GNL3L: variants seen among roughly 807,000 people sequenced by gnomAD.
GNL3L encodes the protein G protein nucleolar 3 like.
In GNL3L, 4 loss-of-function variants were observed where a neutral mutation model predicts 42.9. The ratio of observed to expected loss-of-function variants is 0.09; its 90% CI spans 0.05 to 0.21. The LOEUF (loss-of-function observed/expected upper bound fraction) is 0.21. Ranked by LOEUF, GNL3L falls within the 10% of genes least tolerant of loss-of-function variation. GNL3L has a pLI of 1.00. For missense variants in GNL3L, 412 were observed against 481.7 expected, an observed-to-expected ratio of 0.86 and a Z score of 1.36; for synonymous variants, 159 against 176.3, an observed-to-expected ratio of 0.90 and a Z score of 0.78.
chrX:54,629,233 T>C, the GNL3L span, among the ~76,000 whole-genome samples: 11 of 110,810 alleles, frequency 9.9e-5, no homozygotes, highest in Non-Finnish European at 2.1e-4. Flanking sequence ...ACTTCCTTTT[T>C]ATCAATTTGG....
the GNL3L span, among the ~76,000 whole-genome samples, chrX:54,627,157 C>T: frequency 5.4e-5 from 6 of 110,378 alleles, no homozygotes; most frequent in African/African-American, 2.0e-4. Context: ...TACAGATGTG[C>T]GCCACGATGC....
the GNL3L span, among the ~76,000 whole-genome samples, chrX:54,633,517 A>G: frequency 9.0e-6 from 1 of 111,593 alleles, no homozygotes; most frequent in Admixed American, 9.5e-5. Flanking sequence ...GAGAAAGACC[A>G]TCAGGTGGGG....
chrX:54,621,901 T>C (rs752971365), downstream of GNL3L, among the ~76,000 whole-genome samples: 1 of 112,115 alleles, frequency 8.9e-6, no homozygotes, highest in South Asian at 3.7e-4. Context: ...TTCCTTGGTG[T>C]AAAATGATAG....
At chrX:54,645,435 G>A in the GNL3L span, among the ~76,000 whole-genome samples, 4 of 111,131 alleles carry the variant, frequency 3.6e-5, no homozygotes, top group African/African-American at 9.8e-5. Context: ...TCATCTTTTG[G>A]GCATCCATTG....
chrX:54,600,428 G>T (rs1482727280), intron 16 of GNL3L, among the ~76,000 whole-genome samples: 6 of 107,580 alleles, frequency 5.6e-5, no homozygotes, highest in Non-Finnish European at 7.7e-5. Context: ...GTTTCTCCAT[G>T]TTGATCAGGC....
At chrX:54,579,955 G>A (rs187592467) in intron 16 of GNL3L, among the ~76,000 whole-genome samples, 3 of 105,678 alleles carry the variant, frequency 2.8e-5, no homozygotes, top group African/African-American at 1.1e-4. Flanking sequence ...TGGGATTACA[G>A]GCATGAGCCA....
At chrX:54,607,062 T>TTC (rs758610157) in intron 16 of GNL3L, among the ~76,000 whole-genome samples, 472 of 40,460 alleles carry the variant, frequency 0.012, 26 homozygotes, top group African/African-American at 0.035. Flanking sequence ...CTTTCTTTCT[T>TTC]TCTTTCTTTC....
At chrX:54,540,386 A>G (rs1191755503) in intron 4 of GNL3L, 144 bp downstream of exon 4, 3 of 471,989 alleles carry the variant, frequency 6.4e-6, no homozygotes, top group African/African-American at 2.4e-5. Context: ...GGTTACCATG[A>G]TACTGGATTT....
rs1369851743 is a variant in GNL3L at position 54,541,308 on chromosome X, G to A, written c.225G>A (p.Arg75=). The change falls in exon 5 of 16, where the codon CGG becomes CGA. Residue 75 remains arginine (R), a synonymous_variant. Coordinates refer to ENST00000360845, the MANE Select transcript of GNL3L (RefSeq NM_001184819.2). ...TGAGGGAGAAGCAGCAAGCCGCCCG[G>A]GAGCAAGAAAGACAAAAACGCAGGA... ...EEMREKQQAA[R]EQERQKRRTI... 1 of 1,207,743 alleles carries A rather than the reference G, an allele frequency of 8.3e-7. No individual in the cohort carries two copies. The highest frequency in any genetic ancestry group is 1.1e-6 in the Non-Finnish European group (1 of 893,573).
At chrX:54,549,609 G>T (rs1217381885) in intron 9 of GNL3L, among the ~76,000 whole-genome samples, 1 of 112,582 alleles carries the variant, frequency 8.9e-6, no homozygotes, top group Non-Finnish European at 1.9e-5. Flanking sequence ...CGAGGCAGGA[G>T]AATCGCTTAA....
chrX:54,538,582 T>C (rs1235899975), intron 2 of GNL3L, among the ~76,000 whole-genome samples: 1 of 111,768 alleles, frequency 8.9e-6, no homozygotes, highest in Non-Finnish European at 1.9e-5. Flanking sequence ...GTCAAGTCCC[T>C]TTGGAGGCAA....
At chrX:54,543,780 A>G (rs1924692325) in intron 7 of GNL3L, among the ~76,000 whole-genome samples, 1 of 111,712 alleles carries the variant, frequency 9.0e-6, no homozygotes, top group Non-Finnish European at 1.9e-5. Flanking sequence ...TCCCAACCTC[A>G]CAGATTTGTT....
At chrX:54,632,811 T>A in the GNL3L span, among the ~76,000 whole-genome samples, 1 of 111,978 alleles carries the variant, frequency 8.9e-6, no homozygotes, top group Admixed American at 9.5e-5. Context: ...GGTAAGCTAG[T>A]GCGATCTTTT....
chrX:54,614,899 G>A (rs1002070804), intron 16 of GNL3L, among the ~76,000 whole-genome samples: 1 of 111,222 alleles, frequency 9.0e-6, no homozygotes, highest in Non-Finnish European at 1.9e-5. Flanking sequence ...CAACTGCTCT[G>A]TCCAGAGCTG....
At chrX:54,539,181 T>C in intron 3 of GNL3L, 80 bp downstream of exon 3, 3 of 531,816 alleles carry the variant, frequency 5.6e-6, no homozygotes, top group Non-Finnish European at 6.1e-6. Context: ...CCAGTAAATA[T>C]TGGGTGACTC....
intron 16 of GNL3L, among the ~76,000 whole-genome samples, chrX:54,574,499 G>A (rs1459158313): frequency 8.9e-6 from 1 of 112,070 alleles, no homozygotes; most frequent in Non-Finnish European, 1.9e-5. Context: ...TGGACATAGT[G>A]TATAATACGT....
intron 16 of GNL3L, among the ~76,000 whole-genome samples, chrX:54,595,139 AT>A (rs1291489595): frequency 2.1e-4 from 23 of 111,795 alleles, no homozygotes; most frequent in African/African-American, 7.1e-4. Flanking sequence ...ATAATTTCTT[AT>A]TGCTCATTAG....
chrX:54,640,281 A>G, the GNL3L span, among the ~76,000 whole-genome samples: 4,887 of 110,435 alleles, frequency 0.044, 118 homozygotes, highest in Admixed American at 0.096. Context: ...CAAGCCAAAA[A>G]CCCCAAACCC....
chrX:54,584,177 G>A (rs1050527450), intron 16 of GNL3L, among the ~76,000 whole-genome samples: 5 of 105,803 alleles, frequency 4.7e-5, no homozygotes, highest in African/African-American at 1.4e-4. Context: ...TGCTTCCTGG[G>A]TTCAAGTGAG....
Sources: gnomAD v4.1 joint callset for allele counts (sites outside exome capture counted in the v4.1 genomes callset) on GRCh38, gnomAD v4.1.1 for gene constraint, MANE v1.5 for transcripts, NCBI Gene and HGNC (gene_info 2026-07-23, HGNC 2026-07-21) for gene names.